The following ZCCHC7 variants were observed in gnomAD, a reference collection of about 807,000 sequenced individuals.
ZCCHC7 encodes the protein zinc finger CCHC-type containing 7.
In ZCCHC7, 35 loss-of-function variants were observed where a neutral mutation model predicts 52.0. The observed-to-expected ratio is 0.67, with a 90% confidence interval of 0.51 to 0.89. ZCCHC7 has a LOEUF of 0.89. ZCCHC7 is among the 40% of genes least tolerant of loss of function. The pLI is 0.00. For missense variants in ZCCHC7, 574 were observed against 649.1 expected (o/e 0.88, Z 1.26); for synonymous variants, 217 against 221.5 (o/e 0.98, Z 0.18).
chr9:37,258,072 T>C (rs1171617606), intron 2 of ZCCHC7, among the ~76,000 whole-genome samples: 1 of 152,180 alleles, frequency 6.6e-6, no homozygotes, highest in Non-Finnish European at 1.5e-5. Context: ...TGAGGAAAGC[T>C]TTATTGCAAA....
chr9:37,337,656 T>C (rs1296018974), intron 6 of ZCCHC7, among the ~76,000 whole-genome samples: 1 of 152,088 alleles, frequency 6.6e-6, no homozygotes, highest in Admixed American at 6.6e-5. Context: ...TGCAGTCCAT[T>C]TGCACCAGGA....
At chr9:37,287,583 C>T (rs1156966209) in intron 2 of ZCCHC7, among the ~76,000 whole-genome samples, 1 of 152,084 alleles carries the variant, frequency 6.6e-6, no homozygotes, top group East Asian at 1.9e-4. Context: ...GAGGCCAAGA[C>T]TCTAAGCAAG....
chr9:37,144,525 A>G (rs1843354254), intron 2 of ZCCHC7, among the ~76,000 whole-genome samples: 1 of 151,982 alleles, frequency 6.6e-6, no homozygotes, highest in Non-Finnish European at 1.5e-5. Flanking sequence ...AAAAATTTAT[A>G]CATGATATTT....
At chr9:37,212,026 CAAAAAAAAAAAAAAAAAAAAAAAAAAAA>C (rs574190937) in intron 2 of ZCCHC7, among the ~76,000 whole-genome samples, 3 of 55,426 alleles carry the variant, frequency 5.4e-5, no homozygotes, top group South Asian at 8.5e-4. Flanking sequence ...GACTCCGTCT[CAAAAAAAAAAAAAAAAAAAAAAAAAAAA>C]AAAAAAAAAA....
intron 2 of ZCCHC7, among the ~76,000 whole-genome samples, chr9:37,172,785 TG>T (rs1471391812): frequency 6.7e-6 from 1 of 150,280 alleles, no homozygotes; most frequent in Non-Finnish European, 1.5e-5. Context: ...AATAGGGACT[TG>T]AGTGAGCAGT....
intron 6 of ZCCHC7, among the ~76,000 whole-genome samples, chr9:37,342,954 C>T (rs1820732751): frequency 6.6e-6 from 1 of 152,194 alleles, no homozygotes; most frequent in Admixed American, 6.5e-5. Context: ...CCCTTGATTG[C>T]CCCCAGTCGT....
intron 7 of ZCCHC7, among the ~76,000 whole-genome samples, chr9:37,352,253 A>G (rs946098344): frequency 3.9e-5 from 6 of 152,202 alleles, no homozygotes; most frequent in Non-Finnish European, 1.5e-5. Flanking sequence ...AATGTCAGAA[A>G]TCCAGCCTTA....
At chr9:37,159,338 A>G (rs771006909) in intron 2 of ZCCHC7, among the ~76,000 whole-genome samples, 1 of 152,260 alleles carries the variant, frequency 6.6e-6, no homozygotes, top group African/African-American at 2.4e-5. Context: ...ATGGCTATAT[A>G]TTAAAATATA....
rs1828407236 is a variant in ZCCHC7 at position 37,289,174 on chromosome 9, G to C, written c.611-13014G>C. ...ACTTTTTTTTTTTTTTTCTGAGGTG[G>C]AGTCTCGCTCTGTCGCCCAGGCTGG... On this transcript the variant is annotated intron_variant, in intron 2 of 8. Transcript: ENST00000336755. 9.3e-5 allele frequency among the ~76,000 whole-genome samples: 14 copies of C among 150,218 alleles called. No homozygotes were observed. The South Asian group carries it at 3.0e-3, about 32-fold the overall frequency.
At chr9:37,141,372 A>G (rs1843221645) in intron 2 of ZCCHC7, among the ~76,000 whole-genome samples, 1 of 151,402 alleles carries the variant, frequency 6.6e-6, no homozygotes, top group African/African-American at 2.4e-5. Context: ...TTTGTTTTGC[A>G]GATTGGAAAG....
chr9:37,251,562 C>T (rs1421507660), intron 2 of ZCCHC7, among the ~76,000 whole-genome samples: 14 of 152,166 alleles, frequency 9.2e-5, no homozygotes, highest in Non-Finnish European at 2.1e-4. Flanking sequence ...TCCACTCTTC[C>T]GCTTTCTTTG....
At chr9:37,168,220 C>T (rs1564154238) in intron 2 of ZCCHC7, among the ~76,000 whole-genome samples, 2 of 152,136 alleles carry the variant, frequency 1.3e-5, no homozygotes, top group Non-Finnish European at 2.9e-5. Flanking sequence ...GGATTATTGT[C>T]CTGTTTCTTA....
intron 2 of ZCCHC7, among the ~76,000 whole-genome samples, chr9:37,290,691 A>T (rs918779684): frequency 1.3e-5 from 2 of 152,148 alleles, no homozygotes; most frequent in African/African-American, 4.8e-5. Context: ...ACATACTTTG[A>T]TTCTTTCTTA....
chr9:37,305,439 G>T, intron 4 of ZCCHC7, 105 bp from the exon 5 acceptor site: 1 of 1,314,584 alleles, frequency 7.6e-7, no homozygotes, highest in East Asian at 2.3e-5. Context: ...CCTTTATTGG[G>T]ATCTCAAATT....
At chr9:37,253,252 GT>G (rs941476317) in intron 2 of ZCCHC7, among the ~76,000 whole-genome samples, 8 of 150,976 alleles carry the variant, frequency 5.3e-5, no homozygotes, top group African/African-American at 1.2e-4. Flanking sequence ...TATCATCATA[GT>G]TTTTTTTTAA....
At chr9:37,268,715 C>T (rs1209625263) in intron 2 of ZCCHC7, among the ~76,000 whole-genome samples, 8 of 152,184 alleles carry the variant, frequency 5.3e-5, no homozygotes, top group African/African-American at 1.7e-4. Context: ...CGTGAGCCAC[C>T]GCGCCCGGCC....
At chr9:37,211,441 T>C (rs761273900) in intron 2 of ZCCHC7, among the ~76,000 whole-genome samples, 1 of 152,178 alleles carries the variant, frequency 6.6e-6, no homozygotes, top group Non-Finnish European at 1.5e-5. Context: ...ATTATACATA[T>C]TATTTTTCTT....
At chr9:37,356,200 C>T (rs1821691092) in intron 8 of ZCCHC7, among the ~76,000 whole-genome samples, 1 of 152,162 alleles carries the variant, frequency 6.6e-6, no homozygotes, top group Non-Finnish European at 1.5e-5. Flanking sequence ...TCACTGTAAC[C>T]TCATCTCCCA....
chr9:37,297,606 G>T (rs903156482), intron 2 of ZCCHC7, among the ~76,000 whole-genome samples: 2 of 152,188 alleles, frequency 1.3e-5, no homozygotes, highest in African/African-American at 4.8e-5. Context: ...AAAATGTAAG[G>T]CATCTATGGC....
Sources: gnomAD v4.1 joint callset for allele counts (sites outside exome capture counted in the v4.1 genomes callset) on GRCh38, gnomAD v4.1.1 for gene constraint, MANE v1.5 for transcripts, NCBI Gene and HGNC (gene_info 2026-07-23, HGNC 2026-07-21) for gene names.